Variants in DLGAP2 observed in about 807,000 individuals in gnomAD.
The protein encoded by DLGAP2 is DLG associated protein 2.
DLGAP2 carries 26 observed loss-of-function variants against 100.3 expected under a neutral mutation model. The observed-to-expected ratio is 0.26, with a 90% CI of 0.19 to 0.36. The LOEUF is 0.36. Ranked by LOEUF, DLGAP2 falls within the 10% of genes least tolerant of loss-of-function variation. The pLI, the probability that DLGAP2 is intolerant of heterozygous loss-of-function variation, is 1.00. For missense variants in DLGAP2, 1,858 were observed against 1,453.2 expected (o/e 1.28, Z -4.53); for synonymous variants, 886 against 630.1 (o/e 1.41, Z -6.08).
intron 2 of DLGAP2, among the ~76,000 whole-genome samples, chr8:917,780 C>T (rs762601858): frequency 2.5e-4 from 38 of 152,138 alleles, no homozygotes; most frequent in South Asian, 8.3e-4. Context: ...TGGGTTTCAC[C>T]GTGTTGGCCA....
intron 4 of DLGAP2, among the ~76,000 whole-genome samples, chr8:1,510,495 C>T (rs1325342832): frequency 6.6e-6 from 1 of 152,214 alleles, no homozygotes; most frequent in African/African-American, 2.4e-5. Context: ...AGTTTTGTGG[C>T]AGGTCCAAGG....
At chr8:1,536,822 C>T (rs1357287442) in intron 4 of DLGAP2, among the ~76,000 whole-genome samples, 6 of 152,196 alleles carry the variant, frequency 3.9e-5, no homozygotes, top group African/African-American at 1.4e-4. Context: ...TTCACTTTGA[C>T]ACCATTGAAC....
intron 2 of DLGAP2, among the ~76,000 whole-genome samples, chr8:1,168,450 C>G (rs367935034): frequency 2.2e-4 from 33 of 149,740 alleles, no homozygotes; most frequent in African/African-American, 7.9e-4. Context: ...CCTGAGGAAT[C>G]GCCACACTGA....
intron 2 of DLGAP2, among the ~76,000 whole-genome samples, chr8:915,236 A>T (rs1034469758): frequency 5.3e-5 from 8 of 152,078 alleles, no homozygotes; most frequent in African/African-American, 1.7e-4. Flanking sequence ...CTCCCTTGGG[A>T]GGAGGGAACA....
intron 4 of DLGAP2, among the ~76,000 whole-genome samples, chr8:1,507,014 C>T (rs1031819678): frequency 6.6e-6 from 1 of 152,240 alleles, no homozygotes; most frequent in Non-Finnish European, 1.5e-5. Flanking sequence ...TTTTGCTAGA[C>T]ACAGAGTTCT....
chr8:1,380,424 C>G (rs946046641), intron 3 of DLGAP2: 1 of 152,164 alleles, frequency 6.6e-6, no homozygotes, highest in Non-Finnish European at 1.5e-5. Flanking sequence ...TTGAGTTGAA[C>G]TAAGGAGACT....
chr8:865,675 G>C (rs1018759799), intron 1 of DLGAP2, among the ~76,000 whole-genome samples: 4 of 152,334 alleles, frequency 2.6e-5, no homozygotes, highest in Admixed American at 2.6e-4. Flanking sequence ...AAGGTTGTGG[G>C]AATGGCCACT....
At chr8:910,277 C>G (rs1798458613) in intron 2 of DLGAP2, 1 of 152,208 alleles carries the variant, frequency 6.6e-6, no homozygotes, top group Non-Finnish European at 1.5e-5. Flanking sequence ...ATGCTTTATA[C>G]TCCATTAACT....
chr8:1,481,995 C>G (rs1799113238), intron 3 of DLGAP2, among the ~76,000 whole-genome samples: 1 of 152,196 alleles, frequency 6.6e-6, no homozygotes, highest in African/African-American at 2.4e-5. Flanking sequence ...GCTCTCAGCC[C>G]TCCTGTGGAA....
rs185342473 is a variant in DLGAP2, at chr8:1,264,031, A to G, written c.106+5148A>G. 4.3e-4 allele frequency among the ~76,000 whole-genome samples: 66 copies of G among 152,296 alleles called. 1 individual carries two copies. The East Asian group carries it at 0.011, about 25-fold the overall frequency. ...ATCAGAAAACAGTCTCTAGGGTAAG[A>G]GGGAGAATGCTGCTCCTCTCTTAGT... On this transcript the variant is annotated intron_variant, in intron 3 of 14. Transcript: ENST00000637795.
At chr8:1,126,294 A>G (rs1281467610) in intron 2 of DLGAP2, among the ~76,000 whole-genome samples, 1 of 152,170 alleles carries the variant, frequency 6.6e-6, no homozygotes, top group African/African-American at 2.4e-5. Context: ...TCCATATATA[A>G]AAATATATTT....
At chr8:810,170 C>G (rs762629888) in intron 1 of DLGAP2, among the ~76,000 whole-genome samples, 8 of 152,220 alleles carry the variant, frequency 5.3e-5, no homozygotes, top group Non-Finnish European at 8.8e-5. Context: ...TGTGGACTTT[C>G]CACAGTGAAT....
chr8:1,244,537 A>G (rs1231034789), intron 2 of DLGAP2, among the ~76,000 whole-genome samples: 2 of 152,242 alleles, frequency 1.3e-5, no homozygotes, highest in African/African-American at 4.8e-5. Flanking sequence ...TTTGCAACAA[A>G]TCTAAAGAAT....
chr8:1,352,431 C>T (rs914208187), intron 3 of DLGAP2, among the ~76,000 whole-genome samples: 1 of 152,168 alleles, frequency 6.6e-6, no homozygotes, highest in Non-Finnish European at 1.5e-5. Flanking sequence ...ACCTGCCCTT[C>T]CCTCCCCTTC....
intron 1 of DLGAP2, among the ~76,000 whole-genome samples, chr8:898,687 T>C (rs1011189657): frequency 1.3e-5 from 2 of 152,184 alleles, no homozygotes; most frequent in African/African-American, 2.4e-5. Context: ...CCTCTGGTCC[T>C]GCATTCCCAG....
rs189032150 is a variant in DLGAP2, at chr8:1,637,582, G to A, written c.1810+4536G>A. Among the ~76,000 whole-genome samples, 67 of 152,134 alleles carry A rather than the reference G, an allele frequency of 4.4e-4. 3 individuals carry two copies. In the South Asian group the frequency reaches 0.011, roughly 24 times the overall value. On this transcript the variant is annotated intron_variant, in intron 8 of 14. Coordinates refer to ENST00000637795, the MANE Select transcript of DLGAP2 (RefSeq NM_001346810.2). The stretch of plus-strand genomic sequence containing the variant: ...AAAAAGTCACACATGATCACTTTCC[G>A]TTTTAGAAATGTAAAAAATGAACTA...
chr8:978,758 A>G (rs1159619419), intron 2 of DLGAP2, among the ~76,000 whole-genome samples: 1 of 152,096 alleles, frequency 6.6e-6, no homozygotes, highest in Non-Finnish European at 1.5e-5. Context: ...AAGGCATTTC[A>G]ATGGTGGGAT....
intron 2 of DLGAP2, among the ~76,000 whole-genome samples, chr8:1,189,874 C>T (rs1170321503): frequency 6.6e-6 from 1 of 152,142 alleles, no homozygotes; most frequent in Admixed American, 6.5e-5. Flanking sequence ...TAAGGAAAAT[C>T]ACAGAGGTGA....
intron 2 of DLGAP2, among the ~76,000 whole-genome samples, chr8:1,085,036 G>C (rs1231430521): frequency 1.3e-5 from 2 of 152,176 alleles, no homozygotes; most frequent in African/African-American, 4.8e-5. Flanking sequence ...GGTATCTTTT[G>C]TCTTTTGGAT....
Sources: gnomAD v4.1 joint callset for allele counts (sites outside exome capture counted in the v4.1 genomes callset) on GRCh38, gnomAD v4.1.1 for gene constraint, MANE v1.5 for transcripts, NCBI Gene and HGNC (gene_info 2026-07-23, HGNC 2026-07-21) for gene names.